Variants in SNX18 observed in about 807,000 individuals in gnomAD.
The protein encoded by SNX18 is sorting nexin 18, also known as sorting nexin-18.
Under a neutral mutation model 48.7 loss-of-function variants are expected in SNX18, and 35 were observed. That is an observed-to-expected ratio of 0.72 (90% CI 0.55 to 0.95). The LOEUF (loss-of-function observed/expected upper bound fraction) is 0.95, where lower values mean the gene tolerates loss of function less well. SNX18 is among the 40% of genes least tolerant of loss of function. The probability of loss-of-function intolerance (pLI) is 0.00; values close to 1 mark genes in which losing one functional copy is unlikely to be tolerated. For synonymous variants in SNX18, 492 were observed against 384.7 expected (o/e 1.28, Z -3.26); for missense variants, 824 against 871.0 (o/e 0.95, Z 0.68).
the SNX18 span, among the ~76,000 whole-genome samples, chr5:54,557,042 T>C: frequency 6.6e-6 from 1 of 152,240 alleles, no homozygotes; most frequent in African/African-American, 2.4e-5. Flanking sequence ...AATTTGGCGT[T>C]TCTTTGAGGA....
chr5:54,548,565 G>C (rs775141838), downstream of SNX18, among the ~76,000 whole-genome samples: 2 of 152,182 alleles, frequency 1.3e-5, no homozygotes, highest in Non-Finnish European at 2.9e-5. Flanking sequence ...ACCCAGCTCT[G>C]ACCCTCAGTT....
the SNX18 span, among the ~76,000 whole-genome samples, chr5:54,620,708 T>C: frequency 2.0e-5 from 3 of 152,156 alleles, no homozygotes; most frequent in Non-Finnish European, 4.4e-5. Flanking sequence ...CAAAATACCA[T>C]AGACTGGGTG....
chr5:54,584,103 T>A, the SNX18 span, among the ~76,000 whole-genome samples: 1 of 142,024 alleles, frequency 7.0e-6, no homozygotes, highest in Non-Finnish European at 1.5e-5. Flanking sequence ...CAGGCTGGAG[T>A]GCAGTGGCAC....
chr5:54,583,143 G>C, the SNX18 span, among the ~76,000 whole-genome samples: 1 of 152,146 alleles, frequency 6.6e-6, no homozygotes, highest in African/African-American at 2.4e-5. Flanking sequence ...ACTAGACTCT[G>C]TATGTTTGTT....
intron 1 of SNX18, among the ~76,000 whole-genome samples, chr5:54,530,314 C>T (rs907678278): frequency 2.0e-5 from 3 of 152,162 alleles, no homozygotes; most frequent in Admixed American, 6.5e-5. Flanking sequence ...TTGAACACAG[C>T]GCAGTTTTTA....
chr5:54,626,307 T>G, the SNX18 span, among the ~76,000 whole-genome samples: 63 of 152,332 alleles, frequency 4.1e-4, no homozygotes, highest in African/African-American at 1.5e-3. Context: ...ACCCTAAATA[T>G]GAGATAATTT....
the SNX18 span, among the ~76,000 whole-genome samples, chr5:54,593,119 TAGTC>T: frequency 6.6e-6 from 1 of 152,184 alleles, no homozygotes; most frequent in Non-Finnish European, 1.5e-5. Flanking sequence ...ATATTATTGA[TAGTC>T]GGCTGCTCTA....
At position 54,517,959 on chromosome 5, in the gene SNX18, C is replaced by T. The variant is rs1475622116; in HGVS notation, c.7C>T (p.Leu3=). Residue 3 remains leucine (L), a synonymous_variant, in exon 1 of 2, where the codon CTG becomes TTG. Coordinates refer to ENST00000381410, the MANE Select transcript of SNX18 (RefSeq NM_001102575.2). The stretch of plus-strand genomic sequence containing the variant: ...CAGTCGGGGCGCCGGGACCATGGCG[C>T]TGCGCGCCCGGGCGCTGTACGACTT... MA[L]RARALYDFRS... The T allele has an allele frequency of 1.7e-5, 25 of 1,513,872 alleles. No individual in the cohort carries two copies. The highest frequency in any genetic ancestry group is 8.5e-5 in the Admixed American group (4 of 47,006). The allele number at this position is 1,513,872 out of a possible 1,614,324, so 93.8% of individuals were successfully genotyped here.
At chr5:54,581,192 C>T in the SNX18 span, among the ~76,000 whole-genome samples, 1 of 152,118 alleles carries the variant, frequency 6.6e-6, no homozygotes, top group Admixed American at 6.5e-5. Context: ...TGATCCTCTT[C>T]CATGTCCTCT....
At chr5:54,528,664 A>G (rs901384538) in intron 1 of SNX18, among the ~76,000 whole-genome samples, 1 of 152,206 alleles carries the variant, frequency 6.6e-6, no homozygotes, top group Non-Finnish European at 1.5e-5. Context: ...ACTGTACCGT[A>G]TGACACACAG....
the SNX18 span, among the ~76,000 whole-genome samples, chr5:54,623,123 T>A: frequency 6.6e-6 from 1 of 152,178 alleles, no homozygotes; most frequent in African/African-American, 2.4e-5. Flanking sequence ...GTAGTGATAA[T>A]CTGCTTACGT....
chr5:54,585,614 A>G, the SNX18 span, among the ~76,000 whole-genome samples: 1 of 152,022 alleles, frequency 6.6e-6, no homozygotes, highest in Non-Finnish European at 1.5e-5. Context: ...ATGGAGTCAG[A>G]GTGAGAGCAA....
At chr5:54,604,400 G>A in the SNX18 span, among the ~76,000 whole-genome samples, 3 of 152,330 alleles carry the variant, frequency 2.0e-5, no homozygotes, top group East Asian at 1.9e-4. Context: ...TAAATGAAAT[G>A]TGATAAGTAC....
the SNX18 span, among the ~76,000 whole-genome samples, chr5:54,647,634 A>T: frequency 3.9e-5 from 6 of 152,292 alleles, no homozygotes; most frequent in East Asian, 1.2e-3. Context: ...CAAGAATCAA[A>T]GTCATCATCC....
At chr5:54,587,655 C>T in the SNX18 span, among the ~76,000 whole-genome samples, 12 of 152,248 alleles carry the variant, frequency 7.9e-5, no homozygotes, top group South Asian at 1.0e-3. Flanking sequence ...GCTCTCAGAG[C>T]CTGCTGCTCT....
At chr5:54,630,322 C>G in the SNX18 span, among the ~76,000 whole-genome samples, 2 of 152,062 alleles carry the variant, frequency 1.3e-5, no homozygotes, top group African/African-American at 4.8e-5. Flanking sequence ...GACTTGTGTA[C>G]CTGTGTGTGT....
At position 54,518,584 on chromosome 5, in the gene SNX18, C is replaced by T; in HGVS notation, c.632C>T (p.Pro211Leu). 1.9e-6 allele frequency: 3 copies of T among 1,580,704 alleles called. No homozygotes were observed. Among genetic ancestry groups the T allele is most frequent in the East Asian group, 2.2e-5 (1 of 44,504 alleles). ...LSLGSRGGSV[P>L]PQHHPSGPKS... ...CTGGGTTCCCGCGGCGGCTCGGTCC[C>T]CCCGCAGCACCACCCGTCGGGGCCC... Residue 211 changes from proline (P) to leucine (L), a missense_variant, in exon 1 of 2, where the codon CCC becomes CTC. Around this residue, in one of 3 missense-constraint regions of SNX18, gnomAD observed 377 missense variants for 350.6 expected, o/e 1.08. Coordinates refer to ENST00000381410, the MANE Select transcript of SNX18 (RefSeq NM_001102575.2).
At chr5:54,556,397 A>G in the SNX18 span, among the ~76,000 whole-genome samples, 6 of 152,246 alleles carry the variant, frequency 3.9e-5, no homozygotes, top group African/African-American at 9.6e-5. Flanking sequence ...TCCTTGGCTC[A>G]TGGCTCCCCT....
At chr5:54,646,372 G>A in the SNX18 span, among the ~76,000 whole-genome samples, 1 of 152,194 alleles carries the variant, frequency 6.6e-6, no homozygotes, top group Non-Finnish European at 1.5e-5. Flanking sequence ...AAAACATGCC[G>A]GAAGTGAAAC....
Sources: allele counts gnomAD v4.1 joint callset (sites outside exome capture counted in the v4.1 genomes callset), GRCh38; gene constraint gnomAD v4.1.1; regional missense constraint gnomAD v4.1.1; transcripts MANE v1.5; gene names NCBI Gene and HGNC (gene_info 2026-07-23, HGNC 2026-07-21).